Variants in EPB41L1 observed in about 807,000 individuals in gnomAD.
EPB41L1 encodes the protein band 4.1-like protein 1.
Under a neutral mutation model 97.8 loss-of-function variants are expected in EPB41L1, and 29 were observed. The observed-to-expected ratio is 0.30, with a 90% CI of 0.22 to 0.40. The LOEUF is 0.40. Ranked by LOEUF, EPB41L1 falls within the 10% of genes least tolerant of loss-of-function variation. EPB41L1 has a pLI of 1.00. For missense variants in EPB41L1, 812 were observed against 1,162.3 expected (o/e 0.70, Z 4.38); for synonymous variants, 383 against 459.2 (o/e 0.83, Z 2.12).
At chr20:36,210,960 G>T (rs2063097108) in intron 15 of EPB41L1, among the ~76,000 whole-genome samples, 1 of 152,196 alleles carries the variant, frequency 6.6e-6, no homozygotes, top group Non-Finnish European at 1.5e-5. Flanking sequence ...CAGCTACTCA[G>T]GAGCTGAGGC....
intron 21 of EPB41L1, among the ~76,000 whole-genome samples, chr20:36,225,721 A>G (rs566446825): frequency 6.6e-6 from 1 of 151,684 alleles, no homozygotes; most frequent in African/African-American, 2.4e-5. Context: ...TCTCTTCTCC[A>G]TTCCCTCTCT....
At chr20:36,117,555 T>C (rs2058624275) in intron 2 of EPB41L1, among the ~76,000 whole-genome samples, 1 of 152,230 alleles carries the variant, frequency 6.6e-6, no homozygotes. Context: ...TCTCATCTGA[T>C]TTTCCTTGTA....
At chr20:36,170,415 T>G (rs2060938762) in intron 1 of EPB41L1, among the ~76,000 whole-genome samples, 1 of 152,262 alleles carries the variant, frequency 6.6e-6, no homozygotes, top group Admixed American at 6.5e-5. Flanking sequence ...GCATGTGTAT[T>G]CATTAACACA....
At chr20:36,193,237 A>G (rs1047090442) in intron 11 of EPB41L1, among the ~76,000 whole-genome samples, 1 of 152,148 alleles carries the variant, frequency 6.6e-6, no homozygotes, top group East Asian at 1.9e-4. Context: ...GTCCCAACTC[A>G]CCAAAAGGTC....
chr20:36,146,257 A>G (rs532840516), intron 2 of EPB41L1, among the ~76,000 whole-genome samples: 10 of 152,216 alleles, frequency 6.6e-5, no homozygotes, highest in Non-Finnish European at 1.2e-4. Flanking sequence ...CTCCAGGTAC[A>G]CAGAGGAGTT....
At position 36,230,552 on chromosome 20, in the gene EPB41L1, T is replaced by G. The variant is rs537267479; in HGVS notation, c.*1212T>G. ...GGGGCCCTAATGGAGAGGTGTGGGT[T>G]TGGCAAGAAAGAAGCAACACAGATG... On this transcript the variant is annotated 3_prime_UTR_variant, in exon 22 of 22. Coordinates refer to ENST00000338074, the MANE Select transcript of EPB41L1 (RefSeq NM_012156.2). 1 of 152,490 alleles carries G rather than the reference T, an allele frequency of 6.6e-6. No individual in the cohort carries two copies. Among genetic ancestry groups the G allele is most frequent in the African/African-American group, 2.4e-5 (1 of 41,484 alleles). The allele number at this position is 152,490 out of a possible 1,614,324, so 9.4% of individuals were successfully genotyped here. A position where few individuals can be genotyped will look rare whatever the true frequency, so the allele number is the denominator to read the frequency against.
rs2057689681 is a variant in EPB41L1, at chr20:36,092,622, G to C, written c.-65+1010G>C. 6.6e-6 allele frequency: 1 copy of C among 151,718 alleles called. No homozygotes were observed. The highest frequency in any genetic ancestry group is 2.4e-5 in the African/African-American group (1 of 41,366). The allele number at this position is 151,718 out of a possible 1,614,324, so 9.4% of individuals were successfully genotyped here. A position where few individuals can be genotyped will look rare whatever the true frequency, so the allele number is the denominator to read the frequency against. ...CGGGGGAGCCGGCCGGGGCGGGGCG[G>C]AGCGGCGAGAGGGGGTGTGGGGGGC... is the stretch of plus-strand genomic sequence containing the variant. On this transcript the variant is annotated intron_variant, in intron 1 of 19. Transcript: ENST00000202028. This position sits in a 1 kb window ranked among gnomAD's most constrained non-coding sequence, Gnocchi z 7.0.
intron 2 of EPB41L1, among the ~76,000 whole-genome samples, chr20:36,133,179 C>T (rs1170055569): frequency 5.3e-5 from 8 of 152,262 alleles, no homozygotes; most frequent in African/African-American, 1.2e-4. Flanking sequence ...CGTTGAGCCC[C>T]GCCTTGTTTC....
intron 1 of EPB41L1, among the ~76,000 whole-genome samples, chr20:36,108,837 G>A (rs1332543861): frequency 2.6e-5 from 4 of 152,286 alleles, no homozygotes; most frequent in East Asian, 3.9e-4. Flanking sequence ...GGGAAGGTTG[G>A]GAGGTCAATG....
At chr20:36,147,011 G>A (rs1306022014) in intron 2 of EPB41L1, among the ~76,000 whole-genome samples, 5 of 152,022 alleles carry the variant, frequency 3.3e-5, no homozygotes, top group Non-Finnish European at 7.4e-5. Flanking sequence ...GCAGTGCATG[G>A]TGGTGTACAC....
chr20:36,130,082 C>T (rs2059136872), intron 2 of EPB41L1, among the ~76,000 whole-genome samples: 1 of 152,062 alleles, frequency 6.6e-6, no homozygotes, highest in Admixed American at 6.6e-5. Flanking sequence ...GCTGGGATTA[C>T]AGGCACCCGC....
In EPB41L1 at chr20:36,209,365, T is replaced by C; in HGVS notation, c.1669-123T>C. On this transcript the variant is annotated intron_variant, in intron 14 of 21. Transcript: ENST00000338074. The surrounding 1 kb of genome is among the most constrained non-coding windows in gnomAD (Gnocchi z 4.2). ...CTGGGGTGTTTTTCATTTCCTGGCC[T>C]GCTCTTCCATTCAGGATGTCGACAC... is the stretch of plus-strand genomic sequence containing the variant. 1 of 1,031,770 alleles carries C rather than the reference T, an allele frequency of 9.7e-7. No individual in the cohort carries two copies. Among genetic ancestry groups the C allele is most frequent in the South Asian group, 1.7e-5 (1 of 60,074 alleles). The allele number at this position is 1,031,770 out of a possible 1,614,324, so 63.9% of individuals were successfully genotyped here.
chr20:36,094,172 C>A (rs941824613), intron 1 of EPB41L1, among the ~76,000 whole-genome samples: 1 of 152,124 alleles, frequency 6.6e-6, no homozygotes, highest in Non-Finnish European at 1.5e-5. Flanking sequence ...GAAAATGTAT[C>A]TCTTGATGTA....
At chr20:36,135,079 T>C (rs2059367997) in intron 2 of EPB41L1, among the ~76,000 whole-genome samples, 1 of 151,942 alleles carries the variant, frequency 6.6e-6, no homozygotes, top group African/African-American at 2.4e-5. Context: ...GTCAGGATGG[T>C]CTCAAACTCC....
intron 2 of EPB41L1, among the ~76,000 whole-genome samples, chr20:36,133,297 A>T (rs1388410983): frequency 6.6e-6 from 1 of 152,280 alleles, no homozygotes; most frequent in Non-Finnish European, 1.5e-5. Context: ...CACCAAGCCC[A>T]TGCACAAAGT....
In EPB41L1 at chr20:36,212,281, A is replaced by G. The variant is rs753411603; in HGVS notation, c.2089A>G (p.Thr697Ala). Reference protein sequence around the residue: ...PDMPQFEPVKTETMTVSSLAI... With the variant: ...PDMPQFEPVKAETMTVSSLAI... ...CCTCCTTTTCCTACAGCCCGTGAAA[A>G]CAGAAACCATGACTGTCAGCAGTCT... Residue 697 changes from threonine (T) to alanine (A), a missense_variant, in exon 16 of 22, where the codon ACA (threonine) becomes GCA (alanine). Coordinates refer to ENST00000338074, the MANE Select transcript of EPB41L1 (RefSeq NM_012156.2). The surrounding 1 kb of genome is among the most constrained non-coding windows in gnomAD (Gnocchi z 4.8). The G allele has an allele frequency of 6.2e-7, 1 of 1,614,154 alleles. No individual in the cohort carries two copies. Among genetic ancestry groups the G allele is most frequent in the East Asian group, 2.2e-5 (1 of 44,880 alleles).
intron 14 of EPB41L1, among the ~76,000 whole-genome samples, chr20:36,198,586 G>A (rs537535900): frequency 6.6e-6 from 1 of 152,316 alleles, no homozygotes; most frequent in African/African-American, 2.4e-5. Flanking sequence ...CTGCTTCTGA[G>A]GCTTCAGAAA....
At chr20:36,183,681 A>C (rs1023918666) in intron 6 of EPB41L1, among the ~76,000 whole-genome samples, 1 of 152,252 alleles carries the variant, frequency 6.6e-6, no homozygotes, top group Non-Finnish European at 1.5e-5. Context: ...GGCCCGAAAT[A>C]AACTGGTCAA....
At chr20:36,100,320 C>T (rs943130230) in intron 1 of EPB41L1, among the ~76,000 whole-genome samples, 5 of 152,174 alleles carry the variant, frequency 3.3e-5, no homozygotes, top group Non-Finnish European at 7.4e-5. Context: ...TGTCTGCTTT[C>T]TCCCCTTCCC....
Sources: gnomAD v4.1 joint callset for allele counts (sites outside exome capture counted in the v4.1 genomes callset) on GRCh38, gnomAD v4.1.1 for gene constraint, Gnocchi (gnomAD v3.1) non-coding constraint, MANE v1.5 for transcripts, NCBI Gene and HGNC (gene_info 2026-07-23, HGNC 2026-07-21) for gene names.